Variants in CCND3 observed in about 807,000 individuals in gnomAD.
CCND3 encodes the protein G1/S-specific cyclin-D3.
A neutral mutation model predicts 28.7 loss-of-function variants in CCND3; 9 were observed. The observed-to-expected ratio is 0.31, with a 90% CI of 0.19 to 0.55. The LOEUF is 0.55. CCND3 is among the 20% of genes least tolerant of loss of function. The pLI is 0.93. For missense variants in CCND3, 315 were observed against 385.8 expected (o/e 0.82, Z 1.54); for synonymous variants, 164 against 163.9 (o/e 1.00, Z 0.00).
chr6:42,042,364 G>GTT (rs34181861), intron 1 of CCND3, among the ~76,000 whole-genome samples: 13,306 of 144,534 alleles, frequency 0.092, 758 homozygotes, highest in East Asian at 0.23. Context: ...TCGGAAGTGG[G>GTT]TTTTTTTTTT....
intron 1 of CCND3, among the ~76,000 whole-genome samples, chr6:41,989,454 C>CAAAAA (rs35776222): frequency 4.6e-4 from 10 of 21,690 alleles, no homozygotes; most frequent in Non-Finnish European, 6.6e-4. Flanking sequence ...AACACTGTCT[C>CAAAAA]AAAAAAAAAA....
At chr6:41,951,541 G>A (rs1221964641) in intron 1 of CCND3, among the ~76,000 whole-genome samples, 1 of 78,060 alleles carries the variant, frequency 1.3e-5, no homozygotes, top group African/African-American at 4.3e-5. Flanking sequence ...CAGCCTGAGC[G>A]ACACACACAC....
At position 42,048,808 on chromosome 6, in the gene CCND3, C is replaced by G. The variant is rs1213710674; in HGVS notation, c.-353G>C. ...GTTTCGGTCCCCGGCCTGACTCTCC[C>G]ACCCCCTGTACACCCTCGGCGAGGC... On this transcript the variant is annotated 5_prime_UTR_variant, in exon 1 of 5. Transcript: ENST00000372988. This position sits in a 1 kb window ranked among gnomAD's most constrained non-coding sequence, Gnocchi z 4.7. 1 of 424,026 alleles carries G rather than the reference C, an allele frequency of 2.4e-6. No individual in the cohort carries two copies. The highest frequency in any genetic ancestry group is 2.1e-5 in the African/African-American group (1 of 48,148). The allele number at this position is 424,026 out of a possible 1,614,324, so 26.3% of individuals were successfully genotyped here.
At position 41,963,097 on chromosome 6, in the gene CCND3, G is replaced by A. The variant is rs188142146; in HGVS notation, c.-45-22512C>T. Among the ~76,000 whole-genome samples, 26 of 152,254 alleles carry A rather than the reference G, an allele frequency of 1.7e-4. No individual in the cohort carries two copies. The East Asian group carries it at 2.7e-3, about 16-fold the overall frequency. ...TGCCATGACATGACCTAAATTCTCC[G>A]TCCAGCCTTATCTTTGCTTCCCCAA... On this transcript the variant is annotated intron_variant, in intron 1 of 4. Coordinates refer to the CCND3 transcript ENST00000372988.
intron 1 of CCND3, among the ~76,000 whole-genome samples, chr6:42,018,977 T>A (rs1763616418): frequency 6.6e-6 from 1 of 151,816 alleles, no homozygotes; most frequent in African/African-American, 2.4e-5. Context: ...AATGTTAAGG[T>A]TTTCAACTCA....
upstream of CCND3, among the ~76,000 whole-genome samples, chr6:41,942,872 CTTTTT>C (rs60884050): frequency 1.1e-4 from 9 of 82,570 alleles, no homozygotes; most frequent in African/African-American, 5.2e-5. Flanking sequence ...GTTAATTATT[CTTTTT>C]TTTTTTTTTT....
At chr6:42,018,718 C>T (rs1305250421) in intron 1 of CCND3, among the ~76,000 whole-genome samples, 1 of 151,430 alleles carries the variant, frequency 6.6e-6, no homozygotes, top group Non-Finnish European at 1.5e-5. Flanking sequence ...ATGGAGAAAC[C>T]CCATCTCTAC....
chr6:42,018,416 G>A (rs1013390052), intron 1 of CCND3: 6 of 151,826 alleles, frequency 4.0e-5, no homozygotes, highest in Non-Finnish European at 7.4e-5. Context: ...GAAAAAATAC[G>A]GAACGCTTCA....
intron 1 of CCND3, among the ~76,000 whole-genome samples, chr6:41,950,951 GC>G (rs1776296050): frequency 6.6e-6 from 1 of 151,850 alleles, no homozygotes; most frequent in African/African-American, 2.4e-5. Flanking sequence ...CTCGTGATCC[GC>G]CCGCCTCGGC....
At position 41,935,747 on chromosome 6, in the gene CCND3, C is replaced by T. The variant is rs962909465; in HGVS notation, c.*193G>A. 1 of 581,998 alleles carries T rather than the reference C, an allele frequency of 1.7e-6. No individual in the cohort carries two copies. The highest frequency in any genetic ancestry group is 3.1e-6 in the Non-Finnish European group (1 of 326,340). The allele number at this position is 581,998 out of a possible 1,614,324, so 36.1% of individuals were successfully genotyped here. On this transcript the variant is annotated 3_prime_UTR_variant, in exon 5 of 5. Transcript: ENST00000372991. ...AGGGAGGAGGAGCTTGACTAGCCAC[C>T]GAAATGCAGACATGGCTGGCCGGGC...
At chr6:41,982,704 G>A (rs1250187442) in intron 1 of CCND3, among the ~76,000 whole-genome samples, 1 of 152,172 alleles carries the variant, frequency 6.6e-6, no homozygotes, top group East Asian at 1.9e-4. Context: ...CAGTAATCAC[G>A]ACAGTGTGGT....
intron 1 of CCND3, among the ~76,000 whole-genome samples, chr6:41,973,519 T>C (rs1356771201): frequency 6.6e-6 from 1 of 152,214 alleles, no homozygotes; most frequent in Non-Finnish European, 1.5e-5. Context: ...ATGTTCCATA[T>C]TATGATTGAA....
rs1764196778 is a variant in CCND3, at chr6:42,036,029, C to T, written c.-46+12472G>A. Among the ~76,000 whole-genome samples the T allele has an allele frequency of 2.6e-5, 4 of 151,054 alleles. No homozygotes were observed. The South Asian group carries it at 6.3e-4, about 24-fold the overall frequency. On this transcript the variant is annotated intron_variant, in intron 1 of 4. Coordinates refer to the CCND3 transcript ENST00000372988. ...TTTTTGAGACAGAGTCTTGCTCTGTCACCCAGGCTGGAGTGCATTGGCCCA... is the reference window on the plus strand; with the variant it reads ...TTTTTGAGACAGAGTCTTGCTCTGTTACCCAGGCTGGAGTGCATTGGCCCA...
intron 1 of CCND3, chr6:41,940,809 G>A (rs767327468): frequency 1.3e-5 from 12 of 955,584 alleles, no homozygotes; most frequent in Non-Finnish European, 2.1e-5. Context: ...CGGGGGAGTG[G>A]TAAAGCCAAG....
chr6:41,995,837 T>C (rs1286805093), intron 1 of CCND3, among the ~76,000 whole-genome samples: 1 of 151,984 alleles, frequency 6.6e-6, no homozygotes, highest in Non-Finnish European at 1.5e-5. Context: ...GAGGACTGTT[T>C]GAGACCAAGA....
chr6:41,959,947 C>T (rs1761667293), intron 1 of CCND3, among the ~76,000 whole-genome samples: 2 of 108,096 alleles, frequency 1.9e-5, no homozygotes, highest in Admixed American at 1.0e-4. Flanking sequence ...CAGAGCGAGA[C>T]TCCGTCTCAA....
chr6:41,998,684 A>AT lies in CCND3; in HGVS notation c.-46+49816dup, dbSNP rs879883431. The stretch of plus-strand genomic sequence containing the variant: ...GCCAGTCCCTGGTCTATGCATTATT[A>AT]TTTTTTTTTTTTGAGACAGAGTTTC... On this transcript the variant is annotated intron_variant, in intron 1 of 4. Coordinates refer to the CCND3 transcript ENST00000372988. Among the ~76,000 whole-genome samples, 446 of 138,886 alleles carry AT rather than the reference A, an allele frequency of 3.2e-3. 1 individual carries two copies. Among genetic ancestry groups the AT allele is most frequent in the African/African-American group, 7.6e-3 (289 of 37,830 alleles). The allele number at this position is 138,886 out of a possible 152,430, so 91.1% of individuals were successfully genotyped here.
chr6:41,996,619 C>A (rs530377284), intron 1 of CCND3, among the ~76,000 whole-genome samples: 8 of 152,086 alleles, frequency 5.3e-5, no homozygotes, highest in Non-Finnish European at 1.2e-4. Flanking sequence ...GTATTTATTA[C>A]CGGTGTAGTT....
At chr6:41,957,243 GATTA>G (rs1776461804) in intron 1 of CCND3, among the ~76,000 whole-genome samples, 1 of 152,218 alleles carries the variant, frequency 6.6e-6, no homozygotes, top group South Asian at 2.1e-4. Context: ...AAGGCCATCT[GATTA>G]ATCTCTCACA....
Sources: gnomAD v4.1 joint callset for allele counts (sites outside exome capture counted in the v4.1 genomes callset) on GRCh38, gnomAD v4.1.1 for gene constraint, Gnocchi (gnomAD v3.1) non-coding constraint, MANE v1.5 for transcripts, NCBI Gene and HGNC (gene_info 2026-07-23, HGNC 2026-07-21) for gene names.